Variants in ANK3 observed in about 807,000 individuals in gnomAD.
The protein encoded by ANK3 is ankyrin-3.
Under a neutral mutation model 370.9 loss-of-function variants are expected in ANK3, and 57 were observed. The observed-to-expected ratio is 0.15, with a 90% CI of 0.12 to 0.19. The LOEUF (loss-of-function observed/expected upper bound fraction) is 0.19. Among genes scored for constraint, ANK3 ranks in the 10% least tolerant of loss-of-function variants. The probability of loss-of-function intolerance (pLI) is 1.00; values close to 1 mark genes in which losing one functional copy is unlikely to be tolerated. For missense variants in ANK3, 4,439 were observed against 5,302.1 expected (o/e 0.84, Z 5.06); for synonymous variants, 1,929 against 1,946.3 (o/e 0.99, Z 0.23).
intron 1 of ANK3, among the ~76,000 whole-genome samples, chr10:60,716,000 G>A (rs1178788282): frequency 6.6e-6 from 1 of 152,184 alleles, no homozygotes; most frequent in African/African-American, 2.4e-5. Flanking sequence ...CAGGTGGTCA[G>A]TTAGAAATGT....
intron 1 of ANK3, among the ~76,000 whole-genome samples, chr10:60,329,839 G>T (rs2050787909): frequency 1.3e-5 from 2 of 152,244 alleles, no homozygotes; most frequent in South Asian, 4.1e-4. Context: ...ACAATCCTAA[G>T]CAAAAAGTAC....
intron 2 of ANK3, among the ~76,000 whole-genome samples, chr10:60,470,841 CAG>C (rs2065200329): frequency 6.6e-6 from 1 of 152,072 alleles, no homozygotes; most frequent in African/African-American, 2.4e-5. Context: ...ATAACGTTTA[CAG>C]AGAGAACAAA....
intron 7 of ANK3, among the ~76,000 whole-genome samples, chr10:60,235,550 G>GTTTTT (rs72388493): frequency 4.3e-5 from 5 of 115,058 alleles, no homozygotes; most frequent in African/African-American, 1.0e-4. Context: ...CTGATTTCTT[G>GTTTTT]TTTTTTTTTT....
chr10:60,523,916 AAAC>A (rs922998495), intron 2 of ANK3, among the ~76,000 whole-genome samples: 9 of 152,236 alleles, frequency 5.9e-5, no homozygotes, highest in African/African-American at 2.2e-4. Flanking sequence ...TACCGGGTAA[AAAC>A]AACAAGCATC....
At chr10:60,338,433 T>C (rs1404622235) in intron 1 of ANK3, among the ~76,000 whole-genome samples, 2 of 152,160 alleles carry the variant, frequency 1.3e-5, no homozygotes, top group African/African-American at 4.8e-5. Context: ...TCCCAGGTGA[T>C]GCTGATGCTG....
intron 2 of ANK3, among the ~76,000 whole-genome samples, chr10:60,569,227 T>A (rs2077534516): frequency 6.6e-6 from 1 of 152,204 alleles, no homozygotes. Flanking sequence ...TTACTCTACA[T>A]CAAGCTTGAA....
At chr10:60,317,600 AAAGT>A (rs1461067929) in intron 1 of ANK3, among the ~76,000 whole-genome samples, 1 of 152,184 alleles carries the variant, frequency 6.6e-6, no homozygotes, top group African/African-American at 2.4e-5. Context: ...GCATGTCTGT[AAAGT>A]AAGTATTATT....
chr10:60,462,886 T>G (rs1358890063), intron 2 of ANK3, among the ~76,000 whole-genome samples: 1 of 146,694 alleles, frequency 6.8e-6, no homozygotes, highest in African/African-American at 2.5e-5. Context: ...TTTCCCTAGG[T>G]TCTTTTTTAA....
At chr10:60,573,162 A>T (rs2077637540) in intron 2 of ANK3, among the ~76,000 whole-genome samples, 1 of 152,034 alleles carries the variant, frequency 6.6e-6, no homozygotes. Flanking sequence ...TGATTCAAAC[A>T]ATAAAAGAGA....
At chr10:60,117,975 GA>G (rs764881575) in intron 25 of ANK3, among the ~76,000 whole-genome samples, 4 of 151,842 alleles carry the variant, frequency 2.6e-5, no homozygotes, top group South Asian at 2.1e-4. Context: ...GAAAAGTGTG[GA>G]AAAAAAAGCT....
intron 1 of ANK3, among the ~76,000 whole-genome samples, chr10:60,727,601 A>G (rs2079959668): frequency 6.6e-6 from 1 of 152,210 alleles, no homozygotes; most frequent in African/African-American, 2.4e-5. Flanking sequence ...ACACATACCA[A>G]CACATACACA....
chr10:60,630,669 A>T (rs1259746886), intron 1 of ANK3, among the ~76,000 whole-genome samples: 1 of 152,180 alleles, frequency 6.6e-6, no homozygotes, highest in African/African-American at 2.4e-5. Flanking sequence ...GAGGAGATGG[A>T]CAGCCAGGCA....
chr10:60,094,366 T>G (rs1159040833), intron 28 of ANK3, among the ~76,000 whole-genome samples: 1 of 151,960 alleles, frequency 6.6e-6, no homozygotes, highest in African/African-American at 2.4e-5. Context: ...TTTTGTATTT[T>G]TAGTAGAGAT....
At chr10:60,618,508 T>G (rs572005262) in intron 1 of ANK3, among the ~76,000 whole-genome samples, 1 of 152,240 alleles carries the variant, frequency 6.6e-6, no homozygotes, top group South Asian at 2.1e-4. Flanking sequence ...TCTCATAGCT[T>G]TGGCCACTGG....
chr10:60,557,695 T>C (rs1595274076), intron 2 of ANK3, among the ~76,000 whole-genome samples: 2 of 152,156 alleles, frequency 1.3e-5, no homozygotes, highest in Non-Finnish European at 2.9e-5. Context: ...TTTGTCACAA[T>C]TTAAAAAGAA....
chr10:60,146,496 T>C (rs1358333501), intron 23 of ANK3, among the ~76,000 whole-genome samples: 1 of 152,202 alleles, frequency 6.6e-6, no homozygotes, highest in Non-Finnish European at 1.5e-5. Context: ...TGCTCCCTTC[T>C]TCTTTCTTTG....
intron 18 of ANK3, among the ~76,000 whole-genome samples, chr10:60,173,414 T>C (rs988004031): frequency 2.0e-5 from 3 of 152,310 alleles, no homozygotes; most frequent in African/African-American, 7.2e-5. Context: ...AAGTGCTTTA[T>C]TTTTTATCAG....
At chr10:60,159,409 C>T (rs115097261) in intron 23 of ANK3, among the ~76,000 whole-genome samples, 1 of 152,102 alleles carries the variant, frequency 6.6e-6, no homozygotes, top group East Asian at 1.9e-4. Context: ...AATGCTGGAG[C>T]ACCCGTATAT....
intron 1 of ANK3, chr10:60,300,468 A>G: frequency 7.8e-7 from 1 of 1,283,164 alleles, no homozygotes; most frequent in Non-Finnish European, 1.0e-6. Context: ...ACTTCCTAGG[A>G]AGGAGGTAGG....
Sources: allele counts gnomAD v4.1 joint callset (sites outside exome capture counted in the v4.1 genomes callset), GRCh38; gene constraint gnomAD v4.1.1; transcripts MANE v1.5; gene names NCBI Gene and HGNC (gene_info 2026-07-23, HGNC 2026-07-21).